Variants in PKD1L3 observed in about 807,000 individuals in gnomAD.
The protein encoded by PKD1L3 is polycystin-1-like protein 3.
Under a neutral mutation model 184.1 loss-of-function variants are expected in PKD1L3, and 239 were observed. The ratio of observed to expected loss-of-function variants is 1.30; its 90% CI spans 1.17 to 1.45. PKD1L3 has a LOEUF of 1.45. PKD1L3 is among the 40% of genes most tolerant of loss of function. The pLI is 0.00. For synonymous variants in PKD1L3, 996 were observed against 778.8 expected (o/e 1.28, Z -4.64); for missense variants, 2,660 against 2,067.2 (o/e 1.29, Z -5.56).
chr16:71,963,755 C>G (rs1396883471), intron 15 of PKD1L3, among the ~76,000 whole-genome samples: 3 of 151,866 alleles, frequency 2.0e-5, no homozygotes. Context: ...TGCATTCTAG[C>G]TTGGGTGACA....
Position 71,949,848 on chromosome 16 carries a change from T to TG in PKD1L3, c.3552dup (p.Thr1185HisfsTer41). The TG allele has an allele frequency of 6.4e-7, 1 of 1,551,618 alleles. No individual in the cohort carries two copies. Among genetic ancestry groups the TG allele is most frequent in the East Asian group, 2.4e-5 (1 of 40,926 alleles). On this transcript the variant is annotated frameshift_variant, in exon 21 of 30. Transcript: ENST00000620267. LOFTEE classifies it high-confidence loss of function. The stretch of plus-strand genomic sequence containing the variant: ...AAAATAATTGAAATCATCCAGCTGG[T>TG]GGCTTGGTCTTTGCTCAATTCCAAG...
intron 16 of PKD1L3, among the ~76,000 whole-genome samples, chr16:71,955,413 G>A (rs1175525631): frequency 6.6e-6 from 1 of 151,938 alleles, no homozygotes; most frequent in Non-Finnish European, 1.5e-5. Flanking sequence ...CTCCAGCCTG[G>A]GCTACAGAGA....
chr16:71,961,139 G>C (rs2878406), intron 16 of PKD1L3, among the ~76,000 whole-genome samples: 37,429 of 151,332 alleles, frequency 0.25, 5,478 homozygotes, highest in East Asian at 0.65. Context: ...TCTCTGTTTT[G>C]TTTTGAGATG....
chr16:71,969,727 G>C (rs989567058), intron 13 of PKD1L3, 148 bp downstream of exon 13: 5 of 731,336 alleles, frequency 6.8e-6, no homozygotes, highest in Non-Finnish European at 1.1e-5. Context: ...CAGCAGACAC[G>C]AAGATAAATT....
chr16:71,983,508 A>C (rs192711280), intron 6 of PKD1L3, among the ~76,000 whole-genome samples: 27 of 152,288 alleles, frequency 1.8e-4, no homozygotes, highest in Admixed American at 1.6e-3. Context: ...TAATCAACAA[A>C]TGAACATAAA....
chr16:71,976,777 C>G (rs1432811095), intron 11 of PKD1L3, among the ~76,000 whole-genome samples: 1 of 152,150 alleles, frequency 6.6e-6, no homozygotes, highest in East Asian at 1.9e-4. Context: ...GAGTCTGTCT[C>G]TGTCTCCCAG....
Position 71,967,978 on chromosome 16 carries a change from G to A in PKD1L3, c.2214C>T (p.Asp738=). 1 of 1,551,518 alleles carries A rather than the reference G, an allele frequency of 6.4e-7. No homozygotes were observed. The highest frequency in any genetic ancestry group is 1.2e-5 in the South Asian group (1 of 84,062). ...KVKVTVLADN[D]PSAQFHYLIQ... ...TAAGGTAGTGAAATTGAGCGCTGGG[G>A]TCATTATCAGCCAGGACAGTGACCT... Residue 738 remains aspartate (D), a synonymous_variant, in exon 14 of 30, where the codon GAC becomes GAT. Transcript: ENST00000620267.
In PKD1L3 at chr16:71,986,427, G is replaced by C. The variant is rs2143801358; in HGVS notation, c.628C>G (p.Leu210Val). The C allele has an allele frequency of 4.5e-6, 7 of 1,551,826 alleles. No individual in the cohort carries two copies. The East Asian group carries it at 1.5e-4, about 33-fold the overall frequency. Residue 210 changes from leucine (L) to valine (V), a missense_variant, in exon 5 of 30, where the codon CTA becomes GTA. By Grantham distance (32) the Leu-to-Val change is conservative. Coordinates refer to ENST00000620267, the MANE Select transcript of PKD1L3 (RefSeq NM_181536.2). ...GTTACCTGTGATGTGATACTTGATAGTACTGAAGGAAACTGGCTGATGGGA... is the reference window on the plus strand; with the variant it reads ...GTTACCTGTGATGTGATACTTGATACTACTGAAGGAAACTGGCTGATGGGA... ...CHPISQFPSV[L>V]SSITSQVTSA...
In PKD1L3 at chr16:71,942,917, A is replaced by T; in HGVS notation, c.3967T>A (p.Ser1323Thr). 6.4e-7 allele frequency: 1 copy of T among 1,551,624 alleles called. No individual in the cohort carries two copies. The highest frequency in any genetic ancestry group is 8.7e-7 in the Non-Finnish European group (1 of 1,146,896). Residue 1323 changes from serine (S) to threonine (T), a missense_variant, in exon 24 of 30, where the codon TCG becomes ACG. Coordinates refer to ENST00000620267, the MANE Select transcript of PKD1L3 (RefSeq NM_181536.2). ...AIWKTFSHQF[S>T]EIKLLQDFYP... Reference sequence around the variant, plus strand: ...AAATCCTGAAGAAGTTTGATTTCCGAGAACTGGTGCGAAAATGTCTTCCAG... The same window carrying T: ...AAATCCTGAAGAAGTTTGATTTCCGTGAACTGGTGCGAAAATGTCTTCCAG...
chr16:71,951,812 G>C (rs2038845490), intron 18 of PKD1L3, 68 bp from the exon 19 acceptor site: 1 of 1,406,814 alleles, frequency 7.1e-7, no homozygotes, highest in African/African-American at 1.4e-5. Flanking sequence ...ACCAATTACA[G>C]GTGGTAAGGC....
intron 27 of PKD1L3, 79 bp downstream of exon 27, chr16:71,933,836 G>A (rs2143121765): frequency 2.0e-6 from 3 of 1,469,290 alleles, no homozygotes; most frequent in East Asian, 5.0e-5. Context: ...TTTCTGTGTT[G>A]TGACCATTTC....
chr16:71,960,461 G>A (rs973255762), intron 16 of PKD1L3, among the ~76,000 whole-genome samples: 19 of 151,932 alleles, frequency 1.3e-4, no homozygotes, highest in African/African-American at 4.6e-4. Context: ...AATAATATCA[G>A]TATGTCAACT....
chr16:71,947,141 C>A (rs1278198413), intron 22 of PKD1L3, among the ~76,000 whole-genome samples: 3 of 152,006 alleles, frequency 2.0e-5, no homozygotes, highest in African/African-American at 7.3e-5. Flanking sequence ...GCCTGTAATC[C>A]CAGCTACTCG....
intron 11 of PKD1L3, among the ~76,000 whole-genome samples, chr16:71,976,360 A>G (rs930959592): frequency 1.4e-5 from 2 of 144,390 alleles, no homozygotes; most frequent in African/African-American, 5.1e-5. Context: ...GGCTTAAGCA[A>G]TTCTTCTGCC....
At chr16:71,962,769 G>A (rs2039332077) in intron 16 of PKD1L3, among the ~76,000 whole-genome samples, 1 of 152,160 alleles carries the variant, frequency 6.6e-6, no homozygotes, top group African/African-American at 2.4e-5. Flanking sequence ...CATGAGTCAC[G>A]GTGCCTGGCC....
At chr16:71,936,522 T>TTC (rs1555513157) in intron 25 of PKD1L3, among the ~76,000 whole-genome samples, 15 of 144,970 alleles carry the variant, frequency 1.0e-4, no homozygotes, top group Non-Finnish European at 2.1e-4. Flanking sequence ...TTTTTTTCTT[T>TTC]TTTTTTTTTT....
chr16:71,951,844 G>T (rs2038847179), intron 18 of PKD1L3, 100 bp from the exon 19 acceptor site: 2 of 1,105,776 alleles, frequency 1.8e-6, no homozygotes, highest in South Asian at 1.7e-5. Flanking sequence ...GTCAGAAGGG[G>T]ATATGCTTAG....
In PKD1L3 at chr16:71,980,997, G is replaced by A. The variant is rs113136399; in HGVS notation, c.1144-863C>T. Among the ~76,000 whole-genome samples, 100 of 152,284 alleles carry A rather than the reference G, an allele frequency of 6.6e-4. 2 individuals are homozygous for A. Among genetic ancestry groups the A allele is most frequent in the African/African-American group, 1.5e-3 (63 of 41,554 alleles). On this transcript the variant is annotated intron_variant, in intron 7 of 29. Transcript: ENST00000620267. ...TCACAACATACAGTCTTTTGTGATA[G>A]GCTTCTTTCACCTGGCATAATGTTT...
chr16:71,984,961 G>C (rs10492823), intron 5 of PKD1L3, among the ~76,000 whole-genome samples: 13,366 of 152,136 alleles, frequency 0.088, 805 homozygotes, highest in Non-Finnish European at 0.13. Context: ...TGAGCAAATG[G>C]CCGCGGTCCC....
Sources: gnomAD v4.1 joint callset for allele counts (sites outside exome capture counted in the v4.1 genomes callset) on GRCh38, gnomAD v4.1.1 for gene constraint, MANE v1.5 for transcripts, NCBI Gene and HGNC (gene_info 2026-07-23, HGNC 2026-07-21) for gene names.